SLC25A21: variants seen among roughly 807,000 people sequenced by gnomAD.
SLC25A21 encodes the protein solute carrier family 25 member 21.
A neutral mutation model predicts 43.8 loss-of-function variants in SLC25A21; 47 were observed. That is an observed-to-expected ratio of 1.07 (90% confidence interval 0.85 to 1.37). The LOEUF is 1.37. Ranked by LOEUF, SLC25A21 falls within the 40% of genes most tolerant of loss-of-function variation. SLC25A21 has a pLI of 0.00. For synonymous variants in SLC25A21, 131 were observed against 121.3 expected, an observed-to-expected ratio of 1.08 and a Z score of -0.52; for missense variants, 352 against 350.2, an observed-to-expected ratio of 1.00 and a Z score of -0.04.
chr14:36,728,609 T>C (rs1884692519), intron 5 of SLC25A21, among the ~76,000 whole-genome samples: 1 of 152,214 alleles, frequency 6.6e-6, no homozygotes. Flanking sequence ...AGTGATGCTA[T>C]TAGGTTTCCT....
intron 2 of SLC25A21, among the ~76,000 whole-genome samples, chr14:36,819,766 T>C (rs1888567028): frequency 6.6e-6 from 1 of 152,090 alleles, no homozygotes; most frequent in South Asian, 2.1e-4. Flanking sequence ...ATATATAGTA[T>C]ATATACATAT....
At chr14:36,759,883 G>A (rs1739611) in intron 3 of SLC25A21, among the ~76,000 whole-genome samples, 24,349 of 152,010 alleles carry the variant, frequency 0.16, 2,217 homozygotes, top group Middle Eastern at 0.25. Context: ...CAGGAGAATC[G>A]TTTGAACCCA....
intron 1 of SLC25A21, among the ~76,000 whole-genome samples, chr14:37,146,901 T>C (rs1963675725): frequency 6.6e-6 from 1 of 152,174 alleles, no homozygotes; most frequent in Non-Finnish European, 1.5e-5. Context: ...AATCTAGAAA[T>C]AGTTAATTTG....
chr14:36,800,258 AT>A (rs1308420468), intron 3 of SLC25A21, among the ~76,000 whole-genome samples: 1 of 152,136 alleles, frequency 6.6e-6, no homozygotes, highest in Admixed American at 6.6e-5. Context: ...ACTTCAACAG[AT>A]ATTTGTCCAC....
intron 1 of SLC25A21, among the ~76,000 whole-genome samples, chr14:37,065,628 T>C (rs1373889850): frequency 1.3e-5 from 2 of 152,216 alleles, no homozygotes; most frequent in South Asian, 2.1e-4. Flanking sequence ...AATTTGTCTA[T>C]TGCTGAGCAG....
chr14:37,125,909 C>A (rs1027841106), intron 1 of SLC25A21, among the ~76,000 whole-genome samples: 4 of 152,140 alleles, frequency 2.6e-5, no homozygotes, highest in African/African-American at 9.7e-5. Flanking sequence ...AAGACACATT[C>A]CTTGCTCATA....
intron 1 of SLC25A21, among the ~76,000 whole-genome samples, chr14:37,079,292 G>A (rs1962341305): frequency 6.6e-6 from 1 of 152,062 alleles, no homozygotes; most frequent in Admixed American, 6.6e-5. Context: ...ACCCTCCAAT[G>A]CATCATGTTC....
intron 1 of SLC25A21, among the ~76,000 whole-genome samples, chr14:37,109,650 T>C (rs1962982773): frequency 6.6e-6 from 1 of 152,210 alleles, no homozygotes; most frequent in Non-Finnish European, 1.5e-5. Context: ...GTGCTAGCTT[T>C]AGCTCTACTT....
At chr14:36,859,883 C>T (rs1890018071) in intron 2 of SLC25A21, among the ~76,000 whole-genome samples, 3 of 152,162 alleles carry the variant, frequency 2.0e-5, no homozygotes, top group South Asian at 2.1e-4. Flanking sequence ...TGAAAATACA[C>T]ATGGCTGTGC....
intron 1 of SLC25A21, among the ~76,000 whole-genome samples, chr14:36,893,992 C>G (rs1891164075): frequency 6.6e-6 from 1 of 152,136 alleles, no homozygotes; most frequent in African/African-American, 2.4e-5. Context: ...CAGCTTTGTT[C>G]TTTTGGCTTA....
At chr14:36,752,367 A>T (rs1041091931) in intron 3 of SLC25A21, among the ~76,000 whole-genome samples, 1 of 152,228 alleles carries the variant, frequency 6.6e-6, no homozygotes, top group Non-Finnish European at 1.5e-5. Flanking sequence ...ACATAGATTT[A>T]CCATATGATC....
At chr14:36,844,580 T>G (rs1410614072) in intron 2 of SLC25A21, among the ~76,000 whole-genome samples, 1 of 152,214 alleles carries the variant, frequency 6.6e-6, no homozygotes, top group East Asian at 1.9e-4. Context: ...AGTTAAAATG[T>G]TGACCTGATC....
chr14:37,038,890 C>A (rs775510732), intron 1 of SLC25A21, among the ~76,000 whole-genome samples: 1 of 152,284 alleles, frequency 6.6e-6, no homozygotes, highest in Admixed American at 6.5e-5. Context: ...GGTCTTCTAG[C>A]CTCACTGTCA....
chr14:36,943,923 A>G (rs181436011), intron 1 of SLC25A21, among the ~76,000 whole-genome samples: 5 of 152,312 alleles, frequency 3.3e-5, no homozygotes, highest in Admixed American at 3.3e-4. Flanking sequence ...AATTGAAAAA[A>G]TACATAGTAA....
rs1964138445 is a variant in SLC25A21 at position 37,172,021 on chromosome 14, C to A, written c.70+260G>T. The A allele has an allele frequency of 9.4e-6, 5 of 531,434 alleles. No homozygotes were observed. The South Asian group carries it at 1.4e-4, about 15-fold the overall frequency. The allele number at this position is 531,434 out of a possible 1,614,324, so 32.9% of individuals were successfully genotyped here. A position where few individuals can be genotyped will look rare whatever the true frequency, so the allele number is the denominator to read the frequency against. On this transcript the variant is annotated intron_variant, in intron 1 of 9. Coordinates refer to ENST00000331299, the MANE Select transcript of SLC25A21 (RefSeq NM_030631.4). ...GGGGCTCTGCCACTTGCTTTACAGG[C>A]TAGGAACGGACAATGCCGGGAACCC...
chr14:36,737,517 A>G (rs1406935350), intron 3 of SLC25A21, among the ~76,000 whole-genome samples: 2 of 152,168 alleles, frequency 1.3e-5, no homozygotes, highest in Non-Finnish European at 2.9e-5. Context: ...AGAAGTTCTC[A>G]AAGACCACAG....
At chr14:36,756,540 CTT>C (rs983986014) in intron 3 of SLC25A21, among the ~76,000 whole-genome samples, 1 of 152,158 alleles carries the variant, frequency 6.6e-6, no homozygotes, top group African/African-American at 2.4e-5. Context: ...GCGGAAAACA[CTT>C]TTTTGAAAAA....
chr14:37,129,517 C>A (rs937776949), intron 1 of SLC25A21, among the ~76,000 whole-genome samples: 1 of 152,014 alleles, frequency 6.6e-6, no homozygotes, highest in Non-Finnish European at 1.5e-5. Context: ...TCATACCAAC[C>A]GTAATCCTAC....
intron 3 of SLC25A21, among the ~76,000 whole-genome samples, chr14:36,805,363 G>A (rs1006278785): frequency 7.2e-5 from 11 of 152,136 alleles, no homozygotes; most frequent in South Asian, 2.1e-4. Context: ...AGATCTAGGT[G>A]CTGAAACCAT....
Sources: gnomAD v4.1 joint callset for allele counts (sites outside exome capture counted in the v4.1 genomes callset) on GRCh38, gnomAD v4.1.1 for gene constraint, MANE v1.5 for transcripts, NCBI Gene and HGNC (gene_info 2026-07-23, HGNC 2026-07-21) for gene names.